Variants in WNK1 observed in about 807,000 individuals in gnomAD.
WNK1 encodes serine/threonine-protein kinase WNK1.
In WNK1, 38 loss-of-function variants were observed where a neutral mutation model predicts 222.8. The observed-to-expected ratio is 0.17, with a 90% CI of 0.13 to 0.22. WNK1 has a LOEUF of 0.22. Ranked by LOEUF, WNK1 falls within the 10% of genes least tolerant of loss-of-function variation. The pLI, the probability that WNK1 is intolerant of heterozygous loss-of-function variation, is 1.00. For missense variants in WNK1, 2,348 were observed against 2,918.4 expected (o/e 0.80, Z 4.50); for synonymous variants, 1,090 against 1,092.9 (o/e 1.00, Z 0.05).
chr12:863,508 C>T (rs1479820708), intron 8 of WNK1, among the ~76,000 whole-genome samples: 1 of 151,592 alleles, frequency 6.6e-6, no homozygotes, highest in East Asian at 1.9e-4. Flanking sequence ...CAGTTTCTAC[C>T]TTTAATTGTT....
chr12:895,900 A>G (rs1006093542), intron 23 of WNK1, among the ~76,000 whole-genome samples, 171 bp from the exon 24 acceptor site: 1 of 152,212 alleles, frequency 6.6e-6, no homozygotes, highest in Non-Finnish European at 1.5e-5. Context: ...GTTCTCTATG[A>G]TGGTATTCAA....
At chr12:794,503 T>TGG (rs1555093450) in intron 1 of WNK1, among the ~76,000 whole-genome samples, 2 of 13,944 alleles carry the variant, frequency 1.4e-4, no homozygotes, top group African/African-American at 5.7e-4. Flanking sequence ...GTTGGTTGAA[T>TGG]TTTTTTTTTT....
chr12:816,142 C>G (rs537094032), intron 2 of WNK1, among the ~76,000 whole-genome samples: 1 of 152,354 alleles, frequency 6.6e-6, no homozygotes, highest in Admixed American at 6.5e-5. Flanking sequence ...CCTCAGTGCT[C>G]TAGCCAGTGA....
At chr12:840,750 T>C (rs1949566391) in intron 4 of WNK1, among the ~76,000 whole-genome samples, 1 of 152,232 alleles carries the variant, frequency 6.6e-6, no homozygotes, top group Non-Finnish European at 1.5e-5. Flanking sequence ...CTGTAAGAAA[T>C]TACTGATCTA....
intron 8 of WNK1, chr12:865,502 T>G: frequency 8.3e-7 from 1 of 1,203,984 alleles, no homozygotes; most frequent in Non-Finnish European, 1.1e-6. Context: ...CAGTTATTCC[T>G]GTAGGAAACT....
intron 1 of WNK1, among the ~76,000 whole-genome samples, chr12:804,104 C>G (rs1946127734): frequency 6.6e-6 from 1 of 152,148 alleles, no homozygotes; most frequent in African/African-American, 2.4e-5. Flanking sequence ...CAAGTCCTTA[C>G]CAAGTATAAG....
At chr12:868,162 G>A (rs1291546667) in intron 8 of WNK1, 1 of 1,614,038 alleles carries the variant, frequency 6.2e-7, no homozygotes, top group East Asian at 2.2e-5. Flanking sequence ...TAACTGGAGA[G>A]TCATGTGAGA....
intron 1 of WNK1, among the ~76,000 whole-genome samples, chr12:807,183 G>T (rs1025736230): frequency 5.3e-5 from 8 of 152,114 alleles, no homozygotes; most frequent in African/African-American, 1.7e-4. Flanking sequence ...CAAGAGCTGG[G>T]TGTGGTGGTT....
At chr12:831,388 A>C (rs747397297) in intron 4 of WNK1, among the ~76,000 whole-genome samples, 2 of 151,942 alleles carry the variant, frequency 1.3e-5, no homozygotes, top group African/African-American at 2.4e-5. Flanking sequence ...AAATACAAAA[A>C]TTAGCCAGGC....
rs67260587 is a variant in WNK1 at position 827,520 on chromosome 12, T to TTTG, written c.1153+283_1153+285dup. On this transcript the variant is annotated intron_variant, in intron 3 of 27. Transcript: ENST00000315939. The surrounding 1 kb of genome is among the most constrained non-coding windows in gnomAD (Gnocchi z 4.6). ...GATAAAACCTAATGTAATAGCCTTT[T>TTTG]TTGTTGTTGTTGTTGTTGTTGTTGT... The TTTG allele has an allele frequency of 4.0e-4, 187 of 471,782 alleles. No individual in the cohort carries two copies. The highest frequency in any genetic ancestry group is 9.8e-4 in the African/African-American group (50 of 51,264). 29.2% of individuals were successfully genotyped at this position (471,782 alleles called of 1,614,324 possible). A position where few individuals can be genotyped will look rare whatever the true frequency, so the allele number is the denominator to read the frequency against.
intron 4 of WNK1, among the ~76,000 whole-genome samples, chr12:853,647 G>T (rs923454390): frequency 6.6e-6 from 1 of 152,200 alleles, no homozygotes; most frequent in Non-Finnish European, 1.5e-5. Context: ...GCCTATGCTA[G>T]ATTAAAACAG....
chr12:793,243 G>A (rs1246057006), intron 1 of WNK1, among the ~76,000 whole-genome samples: 6 of 152,196 alleles, frequency 3.9e-5, no homozygotes, highest in Admixed American at 2.6e-4. Context: ...TGTTTTCTCT[G>A]TAGTTTTTAG....
chr12:757,143 A>G lies in WNK1; in HGVS notation c.759+2819A>G, dbSNP rs1255891679. On this transcript the variant is annotated intron_variant, in intron 1 of 27. Transcript: ENST00000315939. The stretch of plus-strand genomic sequence containing the variant: ...AAACCCGGTCCTTATACCCATGGCA[A>G]ATTTCAGGCTTCTGTTTTGGGTGTT... Among the ~76,000 whole-genome samples the G allele has an allele frequency of 2.6e-5, 4 of 151,992 alleles. No individual in the cohort carries two copies. The South Asian group carries it at 8.3e-4, about 31-fold the overall frequency.
intron 26 of WNK1, chr12:901,716 C>T (rs1277443418): frequency 1.1e-5 from 10 of 944,554 alleles, no homozygotes; most frequent in African/African-American, 1.7e-5. Flanking sequence ...TGATGTTTCA[C>T]GCAGTCCATT....
At chr12:823,824 G>C (rs530297708) in intron 2 of WNK1, among the ~76,000 whole-genome samples, 1 of 151,874 alleles carries the variant, frequency 6.6e-6, no homozygotes, top group East Asian at 1.9e-4. Flanking sequence ...TCAGCAACTG[G>C]GCTTTGTCTT....
chr12:801,554 A>G (rs915287569), intron 1 of WNK1, among the ~76,000 whole-genome samples: 5 of 148,526 alleles, frequency 3.4e-5, no homozygotes, highest in African/African-American at 1.2e-4. Context: ...GACTACAGCC[A>G]TGTGCCACCA....
chr12:781,689 A>G (rs1255922994), intron 1 of WNK1, among the ~76,000 whole-genome samples: 1 of 152,240 alleles, frequency 6.6e-6, no homozygotes, highest in Non-Finnish European at 1.5e-5. Flanking sequence ...AAAAATCTTC[A>G]GAACCTTTTT....
intron 20 of WNK1, among the ~76,000 whole-genome samples, chr12:887,858 G>A (rs1953820738): frequency 1.3e-5 from 2 of 152,068 alleles, no homozygotes; most frequent in African/African-American, 4.8e-5. Context: ...AAAAGCCACC[G>A]AGCTCAGTGA....
intron 1 of WNK1, among the ~76,000 whole-genome samples, chr12:761,498 A>G (rs1941012940): frequency 6.8e-6 from 1 of 148,114 alleles, no homozygotes; most frequent in Non-Finnish European, 1.5e-5. Context: ...ATTCCTGCAG[A>G]TACCTTTTGT....
Sources: allele counts gnomAD v4.1 joint callset (sites outside exome capture counted in the v4.1 genomes callset), GRCh38; gene constraint gnomAD v4.1.1; non-coding constraint Gnocchi (gnomAD v3.1); transcripts MANE v1.5; gene names NCBI Gene and HGNC (gene_info 2026-07-23, HGNC 2026-07-21).